LUZP2: variants seen among roughly 807,000 people sequenced by gnomAD.
The protein encoded by LUZP2 is leucine zipper protein 2.
Under a neutral mutation model 51.6 loss-of-function variants are expected in LUZP2, and 52 were observed. The ratio of observed to expected loss-of-function variants is 1.01; its 90% CI spans 0.81 to 1.27. LUZP2 has a LOEUF of 1.27. Ranked by LOEUF, LUZP2 falls within the 50% of genes most tolerant of loss-of-function variation. LUZP2 has a pLI of 0.00. For synonymous variants in LUZP2, 154 were observed against 137.3 expected (o/e 1.12, Z -0.85); for missense variants, 436 against 395.4 (o/e 1.10, Z -0.87).
At chr11:24,847,766 T>G (rs1851248619) in intron 5 of LUZP2, among the ~76,000 whole-genome samples, 1 of 152,186 alleles carries the variant, frequency 6.6e-6, no homozygotes, top group Non-Finnish European at 1.5e-5. Context: ...TAATCACACT[T>G]TGTCTACAGA....
chr11:24,506,504 C>T (rs1178243054), intron 1 of LUZP2, among the ~76,000 whole-genome samples: 1 of 151,980 alleles, frequency 6.6e-6, no homozygotes, highest in Non-Finnish European at 1.5e-5. Context: ...TGCGTGCACA[C>T]AGAAAAGTGA....
chr11:24,868,187 G>A (rs1851952886), intron 5 of LUZP2, among the ~76,000 whole-genome samples: 1 of 150,792 alleles, frequency 6.6e-6, no homozygotes, highest in Non-Finnish European at 1.5e-5. Context: ...AAGCAGTAGA[G>A]GAAGGGCTAT....
chr11:24,664,777 G>C (rs1006274351), intron 1 of LUZP2, among the ~76,000 whole-genome samples: 6 of 152,168 alleles, frequency 3.9e-5, no homozygotes, highest in Non-Finnish European at 8.8e-5. Context: ...GTACAAAATT[G>C]AGGTTTGGGA....
chr11:24,734,824 G>A (rs975189354), intron 3 of LUZP2, among the ~76,000 whole-genome samples: 1 of 151,850 alleles, frequency 6.6e-6, no homozygotes, highest in African/African-American at 2.4e-5. Flanking sequence ...GAGTTTGAAA[G>A]AGTGCAGTGT....
chr11:24,882,263 A>G (rs1852492876), intron 5 of LUZP2, among the ~76,000 whole-genome samples: 1 of 151,978 alleles, frequency 6.6e-6, no homozygotes, highest in Non-Finnish European at 1.5e-5. Context: ...AAAGTTCACA[A>G]GGTTTGTATA....
At chr11:25,014,545 C>T (rs1857086070) in intron 9 of LUZP2, among the ~76,000 whole-genome samples, 1 of 152,152 alleles carries the variant, frequency 6.6e-6, no homozygotes, top group Non-Finnish European at 1.5e-5. Flanking sequence ...GCATAAATGA[C>T]TTCTTTTGAG....
At chr11:24,846,334 CA>C (rs1487374171) in intron 5 of LUZP2, among the ~76,000 whole-genome samples, 1 of 151,362 alleles carries the variant, frequency 6.6e-6, no homozygotes, top group Non-Finnish European at 1.5e-5. Flanking sequence ...TCAAATCCGC[CA>C]AATAAAAGAA....
At position 25,008,820 on chromosome 11, in the gene LUZP2, A is replaced by G. The variant is rs535278736; in HGVS notation, c.765+25527A>G. Among the ~76,000 whole-genome samples the G allele has an allele frequency of 5.9e-5, 9 of 152,198 alleles. No homozygotes were observed. In the South Asian group the frequency reaches 1.9e-3, roughly 32 times the overall value. ...ATGTGTGACTGAGTCCAGGGTATAT[A>G]TGGATTCAGAAAGGGGAAGTGTGTG... On this transcript the variant is annotated intron_variant, in intron 9 of 11. Coordinates refer to ENST00000336930, the MANE Select transcript of LUZP2 (RefSeq NM_001009909.4).
chr11:24,811,627 G>T (rs1396152275), intron 5 of LUZP2, among the ~76,000 whole-genome samples: 1 of 151,880 alleles, frequency 6.6e-6, no homozygotes, highest in African/African-American at 2.4e-5. Context: ...CTAATAGGTA[G>T]TTTTTTCAAT....
In LUZP2 at chr11:24,624,047, A is replaced by G. The variant is rs143535051; in HGVS notation, c.63-105122A>G. 2.7e-4 allele frequency among the ~76,000 whole-genome samples: 41 copies of G among 152,276 alleles called. No individual in the cohort carries two copies. In the East Asian group the frequency reaches 6.6e-3, roughly 24 times the overall value. ...ATCATGACTTGATTTCATCTTATGA[A>G]TATCTTTTAAATATCATTAATCTTA... On this transcript the variant is annotated intron_variant, in intron 1 of 11. Coordinates refer to ENST00000336930, the MANE Select transcript of LUZP2 (RefSeq NM_001009909.4).
At chr11:24,834,607 C>T (rs562760981) in intron 5 of LUZP2, among the ~76,000 whole-genome samples, 23 of 152,274 alleles carry the variant, frequency 1.5e-4, no homozygotes, top group South Asian at 1.5e-3. Flanking sequence ...TGGCTATATA[C>T]CCAGCAATGG....
chr11:24,818,042 C>T (rs1271902479), intron 5 of LUZP2, among the ~76,000 whole-genome samples: 1 of 151,982 alleles, frequency 6.6e-6, no homozygotes, highest in Non-Finnish European at 1.5e-5. Flanking sequence ...TATTTAGATA[C>T]TAGGCTAGAA....
intron 5 of LUZP2, among the ~76,000 whole-genome samples, chr11:24,879,100 A>G (rs1852369838): frequency 6.6e-6 from 1 of 151,938 alleles, no homozygotes; most frequent in African/African-American, 2.4e-5. Context: ...GCCCACCACC[A>G]TGCCCGGCTA....
intron 7 of LUZP2, among the ~76,000 whole-genome samples, chr11:24,948,746 G>A (rs901957995): frequency 2.0e-5 from 3 of 151,578 alleles, no homozygotes; most frequent in East Asian, 1.9e-4. Context: ...AGATCCAGAA[G>A]TATTTCTTCC....
At chr11:24,834,016 C>A (rs1211004975) in intron 5 of LUZP2, among the ~76,000 whole-genome samples, 1 of 151,964 alleles carries the variant, frequency 6.6e-6, no homozygotes, top group East Asian at 1.9e-4. Flanking sequence ...AAAAGTGCCA[C>A]CTGTTTTATA....
At chr11:24,743,330 A>G (rs1859254500) in intron 4 of LUZP2, among the ~76,000 whole-genome samples, 1 of 151,930 alleles carries the variant, frequency 6.6e-6, no homozygotes, top group African/African-American at 2.4e-5. Context: ...AGCATGAGAT[A>G]TGTTTCCATT....
At position 24,783,348 on chromosome 11, in the gene LUZP2, A is replaced by AT. The variant is rs955874462; in HGVS notation, c.396+20050dup. Among the ~76,000 whole-genome samples the AT allele has an allele frequency of 6.7e-4, 100 of 148,768 alleles. 1 individual carries two copies. The highest frequency in any genetic ancestry group is 5.9e-4 in the East Asian group (3 of 5,066). The stretch of plus-strand genomic sequence containing the variant: ...GGGGCTTTCAATATAATTACACTTC[A>AT]TTTTTTTTTTCCTAACCAAGACAAC... On this transcript the variant is annotated intron_variant, in intron 5 of 11. Transcript: ENST00000336930.
intron 5 of LUZP2, among the ~76,000 whole-genome samples, chr11:24,821,428 C>T (rs1850353249): frequency 6.6e-6 from 1 of 152,048 alleles, no homozygotes; most frequent in Non-Finnish European, 1.5e-5. Context: ...AACATTAACA[C>T]CTTATTAATT....
chr11:24,549,676 T>C (rs955260588), intron 1 of LUZP2, among the ~76,000 whole-genome samples: 6 of 152,040 alleles, frequency 3.9e-5, no homozygotes, highest in African/African-American at 1.4e-4. Flanking sequence ...CACTAGACAA[T>C]AGGAATTATT....
Sources: allele counts gnomAD v4.1 joint callset (sites outside exome capture counted in the v4.1 genomes callset), GRCh38; gene constraint gnomAD v4.1.1; transcripts MANE v1.5; gene names NCBI Gene and HGNC (gene_info 2026-07-23, HGNC 2026-07-21).